Variants in ADAMTS17 observed in about 807,000 individuals in gnomAD.
The protein encoded by ADAMTS17 is A disintegrin and metalloproteinase with thrombospondin motifs 17.
Under a neutral mutation model 141.5 loss-of-function variants are expected in ADAMTS17, and 113 were observed. That is an observed-to-expected ratio of 0.80 (90% CI 0.69 to 0.93). The LOEUF is 0.93. ADAMTS17 is among the 40% of genes least tolerant of loss of function. The probability of loss-of-function intolerance (pLI) is 0.00; values close to 1 mark genes in which losing one functional copy is unlikely to be tolerated. For missense variants in ADAMTS17, 1,659 were observed against 1,517.9 expected (o/e 1.09, Z -1.54); for synonymous variants, 768 against 630.6 (o/e 1.22, Z -3.27).
chr15:100,179,971 T>TG lies in ADAMTS17; in HGVS notation c.1181+19346dup, dbSNP rs200848878. Among the ~76,000 whole-genome samples the TG allele has an allele frequency of 2.6e-4, 39 of 152,328 alleles. 2 individuals carry two copies. The East Asian group carries it at 7.5e-3, about 29-fold the overall frequency. On this transcript the variant is annotated intron_variant, in intron 8 of 21. Transcript: ENST00000268070. Reference sequence around the variant, plus strand: ...TTTGTAAATATTTTCTCCCATTCTGTGGGGTGTCTCTTCACTTTGCTGGTT... The same window carrying TG: ...TTTGTAAATATTTTCTCCCATTCTGTGGGGGTGTCTCTTCACTTTGCTGGTT...
chr15:100,064,609 C>T (rs750858501), intron 15 of ADAMTS17, among the ~76,000 whole-genome samples: 1 of 152,172 alleles, frequency 6.6e-6, no homozygotes, highest in African/African-American at 2.4e-5. Context: ...CACGGTGCAC[C>T]GTTTCTTGCT....
rs376417037 is a variant in ADAMTS17 at position 100,199,296 on chromosome 15, C to T, written c.1181+22G>A. 1.4e-4 allele frequency: 227 copies of T among 1,600,166 alleles called. No individual in the cohort carries two copies. In the South Asian group the frequency reaches 1.6e-3, roughly 11 times the overall value. On this transcript the variant is annotated intron_variant, in intron 8 of 21. Transcript: ENST00000268070. ...CAAAAAGGACTGAAAGAAAACAGGA[C>T]GACACAGAGTCTGATACTTACTTGT...
At chr15:100,145,539 T>C (rs1469212858) in intron 10 of ADAMTS17, among the ~76,000 whole-genome samples, 3 of 152,216 alleles carry the variant, frequency 2.0e-5, no homozygotes, top group Admixed American at 2.0e-4. Flanking sequence ...GTGTGACTGC[T>C]AATGAGAAAA....
chr15:100,096,966 G>A (rs2035798973), intron 14 of ADAMTS17, among the ~76,000 whole-genome samples: 1 of 152,206 alleles, frequency 6.6e-6, no homozygotes, highest in South Asian at 2.1e-4. Flanking sequence ...AGGTAGGGAT[G>A]CCCACAGCTC....
At chr15:100,138,999 G>A (rs1157207315) in intron 10 of ADAMTS17, among the ~76,000 whole-genome samples, 2 of 152,160 alleles carry the variant, frequency 1.3e-5, no homozygotes, top group African/African-American at 4.8e-5. Flanking sequence ...CGCATGGGGG[G>A]TATTTTGGGC....
At chr15:100,137,887 G>A (rs1449475570) in intron 10 of ADAMTS17, among the ~76,000 whole-genome samples, 1 of 150,518 alleles carries the variant, frequency 6.6e-6, no homozygotes, top group South Asian at 2.1e-4. Flanking sequence ...CCCTTTCACT[G>A]CCAACACCCA....
intron 9 of ADAMTS17, among the ~76,000 whole-genome samples, chr15:100,153,107 C>T (rs965630035): frequency 2.0e-5 from 3 of 152,184 alleles, no homozygotes; most frequent in Admixed American, 6.5e-5. Flanking sequence ...TTTTCTTAGA[C>T]TATGGCTTTG....
chr15:100,072,757 C>G (rs551470165), intron 15 of ADAMTS17, among the ~76,000 whole-genome samples: 1 of 152,086 alleles, frequency 6.6e-6, no homozygotes, highest in Non-Finnish European at 1.5e-5. Context: ...AAAATTAATT[C>G]AAGATGGATT....
chr15:100,108,755 G>A (rs1233844091), intron 14 of ADAMTS17, among the ~76,000 whole-genome samples: 3 of 152,172 alleles, frequency 2.0e-5, no homozygotes, highest in Admixed American at 6.5e-5. Flanking sequence ...CTTAGAATAC[G>A]TTGTGCCTGT....
At chr15:99,989,274 G>A (rs1323901129) in intron 20 of ADAMTS17, among the ~76,000 whole-genome samples, 2 of 152,236 alleles carry the variant, frequency 1.3e-5, no homozygotes, top group African/African-American at 2.4e-5. Flanking sequence ...GGAAAGCAGT[G>A]CTAGGTGCCC....
chr15:100,134,056 A>G (rs999647294), intron 10 of ADAMTS17, among the ~76,000 whole-genome samples: 3 of 152,226 alleles, frequency 2.0e-5, no homozygotes, highest in Non-Finnish European at 4.4e-5. Flanking sequence ...GAAGGAGACA[A>G]TTTATCAAAA....
At chr15:100,037,778 C>T (rs2030883912) in intron 18 of ADAMTS17, among the ~76,000 whole-genome samples, 1 of 151,218 alleles carries the variant, frequency 6.6e-6, no homozygotes, top group Non-Finnish European at 1.5e-5. Flanking sequence ...CTTTGATTGT[C>T]CTTTATCTTT....
rs542892070 is a variant in ADAMTS17 at position 100,056,731 on chromosome 15, A to G, written c.2138-2677T>C. Among the ~76,000 whole-genome samples the G allele has an allele frequency of 2.7e-4, 41 of 152,094 alleles. 1 individual carries two copies. In the Middle Eastern group the frequency reaches 0.014, roughly 50 times the overall value. On this transcript the variant is annotated intron_variant, in intron 15 of 21. Transcript: ENST00000268070. ...GGGTCTGGGGACTTCTGCTTGAAGA[A>G]ACACCTCAGAAAGCATAAGTTGGGG...
At chr15:100,107,387 C>G (rs2036476444) in intron 14 of ADAMTS17, among the ~76,000 whole-genome samples, 1 of 152,158 alleles carries the variant, frequency 6.6e-6, no homozygotes, top group Admixed American at 6.5e-5. Flanking sequence ...TCTGCCTGCT[C>G]CAGACATCAG....
rs528899797 is a variant in ADAMTS17, at chr15:100,085,312, G to A, written c.2137+11044C>T. On this transcript the variant is annotated intron_variant, in intron 15 of 21. Transcript: ENST00000268070. ...TAGAGAAAAAAGAATACAAAGAAACGAACAAAGCCTCCAAGAAATATGGGA... is the reference window on the plus strand; with the variant it reads ...TAGAGAAAAAAGAATACAAAGAAACAAACAAAGCCTCCAAGAAATATGGGA... Among the ~76,000 whole-genome samples, 20 of 149,480 alleles carry A rather than the reference G, an allele frequency of 1.3e-4. No homozygotes were observed. The East Asian group carries it at 2.8e-3, about 21-fold the overall frequency.
intron 15 of ADAMTS17, among the ~76,000 whole-genome samples, chr15:100,054,749 G>A (rs1038330819): frequency 6.6e-6 from 1 of 152,184 alleles, no homozygotes; most frequent in Non-Finnish European, 1.5e-5. Context: ...TAGCTCTGTG[G>A]GCTTCAGGTT....
intron 14 of ADAMTS17, among the ~76,000 whole-genome samples, chr15:100,100,884 C>G (rs59013590): frequency 0.014 from 2,105 of 152,234 alleles, 51 homozygotes; most frequent in African/African-American, 0.046. Flanking sequence ...CTTCCTCCCC[C>G]ACTCCAGATG....
At chr15:100,044,020 T>G (rs1292305271) in intron 18 of ADAMTS17, among the ~76,000 whole-genome samples, 1 of 152,252 alleles carries the variant, frequency 6.6e-6, no homozygotes, top group African/African-American at 2.4e-5. Context: ...CTACATGATC[T>G]TCTGGTTTCA....
At chr15:100,273,285 C>T (rs1329260760) in intron 4 of ADAMTS17, among the ~76,000 whole-genome samples, 3 of 152,112 alleles carry the variant, frequency 2.0e-5, no homozygotes, top group Admixed American at 1.3e-4. Context: ...TGTTAGCTCT[C>T]CTTTAAATGT....
Sources: allele counts gnomAD v4.1 joint callset (sites outside exome capture counted in the v4.1 genomes callset), GRCh38; gene constraint gnomAD v4.1.1; transcripts MANE v1.5; gene names NCBI Gene and HGNC (gene_info 2026-07-23, HGNC 2026-07-21).